CRYZL1: variants seen among roughly 807,000 people sequenced by gnomAD.
CRYZL1 encodes the protein ferry endosomal RAB5 effector complex subunit 4.
A neutral mutation model predicts 50.6 loss-of-function variants in CRYZL1; 34 were observed. The ratio of observed to expected loss-of-function variants is 0.67; its 90% confidence interval spans 0.51 to 0.89. The LOEUF (loss-of-function observed/expected upper bound fraction) is 0.89, where lower values mean the gene tolerates loss of function less well. Among genes scored for constraint, CRYZL1 ranks in the 40% least tolerant of loss-of-function variants. CRYZL1 has a pLI of 0.00. For missense variants in CRYZL1, 354 were observed against 402.3 expected (o/e 0.88, Z 1.03); for synonymous variants, 125 against 134.3 (o/e 0.93, Z 0.48).
At chr21:33,610,725 TTG>T (rs2086862709) in intron 6 of CRYZL1, among the ~76,000 whole-genome samples, 1 of 141,712 alleles carries the variant, frequency 7.1e-6, no homozygotes, top group African/African-American at 2.6e-5. Context: ...CCTTGTTTGG[TTG>T]TTTTTTTTTT....
At chr21:33,613,668 C>A (rs2145937693) in intron 5 of CRYZL1, 62 bp from the exon 6 acceptor site, 1 of 1,135,590 alleles carries the variant, frequency 8.8e-7, no homozygotes, top group Admixed American at 1.8e-5. Context: ...AATGAGAGGC[C>A]AGTATTATTA....
intron 2 of CRYZL1, among the ~76,000 whole-genome samples, chr21:33,624,978 T>C (rs904376346): frequency 2.0e-5 from 3 of 152,156 alleles, no homozygotes; most frequent in Non-Finnish European, 2.9e-5. Flanking sequence ...TGGATACATA[T>C]TTTTAAAAGT....
intron 3 of CRYZL1, 93 bp downstream of exon 3, chr21:33,624,590 T>C: frequency 2.0e-6 from 3 of 1,533,944 alleles, no homozygotes; most frequent in Non-Finnish European, 2.6e-6. Flanking sequence ...TAATAAATTC[T>C]TCACATTGAG....
rs892406908 is a variant in CRYZL1 at position 33,590,048 on chromosome 21, G to A, written c.951-127C>T. 13 of 584,376 alleles carry A rather than the reference G, an allele frequency of 2.2e-5. No homozygotes were observed. In the Admixed American group the frequency reaches 3.1e-4, roughly 14 times the overall value. 36.2% of individuals were successfully genotyped at this position (584,376 alleles called of 1,614,324 possible). ...TAATTAATTTTTTGAGACAGAGTCT[G>A]GCTCTCTCATCCAGGCTGGAGTGCA... On this transcript the variant is annotated intron_variant, in intron 12 of 12. Coordinates refer to ENST00000381554, the MANE Select transcript of CRYZL1 (RefSeq NM_145858.3).
chr21:33,599,262 G>C lies in CRYZL1; in HGVS notation c.578-14C>G. ...CAATCACTCGGGCTGTAAAGGACAG[G>C]AAATCAGGCAATTGTACTGTTCTCT... On this transcript the variant is annotated splice_polypyrimidine_tract_variant and intron_variant, in intron 8 of 12. Coordinates refer to ENST00000381554, the MANE Select transcript of CRYZL1 (RefSeq NM_145858.3). 2 of 1,613,792 alleles carry C rather than the reference G, an allele frequency of 1.2e-6. No individual in the cohort carries two copies. Among genetic ancestry groups the C allele is most frequent in the Non-Finnish European group, 1.7e-6 (2 of 1,179,818 alleles).
At position 33,610,207 on chromosome 21, in the gene CRYZL1, C is replaced by T. The variant is rs145455577; in HGVS notation, c.331+3331G>A. 3.3e-5 allele frequency among the ~76,000 whole-genome samples: 5 copies of T among 151,816 alleles called. No homozygotes were observed. The East Asian group carries it at 7.8e-4, about 24-fold the overall frequency. Reference sequence around the variant, plus strand: ...TTGAGACAGAGTCTTGCTCTGTTGCCCAGGCTGGAGTACAGTGGCACAATT... The same window carrying T: ...TTGAGACAGAGTCTTGCTCTGTTGCTCAGGCTGGAGTACAGTGGCACAATT... On this transcript the variant is annotated intron_variant, in intron 6 of 12. Coordinates refer to ENST00000381554, the MANE Select transcript of CRYZL1 (RefSeq NM_145858.3).
chr21:33,630,188 C>T (rs190916973), intron 2 of CRYZL1, among the ~76,000 whole-genome samples: 143 of 152,166 alleles, frequency 9.4e-4, no homozygotes, highest in Middle Eastern at 3.4e-3. Context: ...TAACAAATGC[C>T]GGTAAGGATG....
At chr21:33,637,784 TATATAC>T (rs1568802068) in intron 1 of CRYZL1, among the ~76,000 whole-genome samples, 1 of 145,638 alleles carries the variant, frequency 6.9e-6, no homozygotes, top group African/African-American at 2.5e-5. Flanking sequence ...TATATATATA[TATATAC>T]ACACACACAC....
At chr21:33,620,438 A>G (rs1408736635) in intron 4 of CRYZL1, among the ~76,000 whole-genome samples, 1 of 152,170 alleles carries the variant, frequency 6.6e-6, no homozygotes, top group Non-Finnish European at 1.5e-5. Context: ...ATTTAAATAT[A>G]TAACCCCTAA....
chr21:33,624,224 A>G (rs1212364690), intron 3 of CRYZL1, among the ~76,000 whole-genome samples: 2 of 152,162 alleles, frequency 1.3e-5, no homozygotes, highest in Non-Finnish European at 2.9e-5. Flanking sequence ...ACAAAAGCAC[A>G]CTAAATTTTT....
chr21:33,595,802 T>C lies in CRYZL1; in HGVS notation c.833A>G (p.Lys278Arg). ...DPPDSHCLFL[K>R]GATLAFLNDE... ...ATTCAGGAAAGCTAACGTTGCTCCCTTGAGGAAAAGGCAGTGGCTATCTGG... is the reference window on the plus strand; with the variant it reads ...ATTCAGGAAAGCTAACGTTGCTCCCCTGAGGAAAAGGCAGTGGCTATCTGG... Residue 278 changes from lysine (K) to arginine (R), a missense_variant, in exon 11 of 13, where the codon AAG becomes AGG. Transcript: ENST00000381554. 6.2e-7 allele frequency: 1 copy of C among 1,614,064 alleles called. No homozygotes were observed. Among genetic ancestry groups the C allele is most frequent in the South Asian group, 1.1e-5 (1 of 91,080 alleles).
In CRYZL1 at chr21:33,641,654, A is replaced by T. The variant is rs145339484; in HGVS notation, c.-7+27T>A. ...TTCGCTTAAAGGCCCGTTTCCCAAG[A>T]CACAGGACGCGTTTCCCGGGGCTCA... On this transcript the variant is annotated intron_variant, in intron 1 of 12. Coordinates refer to ENST00000381554, the MANE Select transcript of CRYZL1 (RefSeq NM_145858.3). The T allele has an allele frequency of 1.8e-3, 318 of 172,824 alleles. 1 individual carries two copies. Among genetic ancestry groups the T allele is most frequent in the Non-Finnish European group, 2.9e-3 (236 of 80,054 alleles). 10.7% of individuals were successfully genotyped at this position (172,824 alleles called of 1,614,324 possible). A position where few individuals can be genotyped will look rare whatever the true frequency, so the allele number is the denominator to read the frequency against.
At chr21:33,598,478 G>A (rs2086717907) in intron 9 of CRYZL1, among the ~76,000 whole-genome samples, 1 of 152,184 alleles carries the variant, frequency 6.6e-6, no homozygotes, top group South Asian at 2.1e-4. Context: ...CAGAGTAAGT[G>A]TTAAATAAAT....
At chr21:33,638,022 T>A (rs1248550536) in intron 1 of CRYZL1, among the ~76,000 whole-genome samples, 1 of 152,004 alleles carries the variant, frequency 6.6e-6, no homozygotes, top group African/African-American at 2.4e-5. Flanking sequence ...GAATTAATGT[T>A]AAATTTTAAC....
At chr21:33,636,985 A>G (rs921833618) in intron 1 of CRYZL1, among the ~76,000 whole-genome samples, 5 of 151,984 alleles carry the variant, frequency 3.3e-5, no homozygotes, top group Non-Finnish European at 7.4e-5. Context: ...TTTTTGTATA[A>G]AACTCATCTA....
At chr21:33,625,782 C>A (rs1040498764) in intron 2 of CRYZL1, among the ~76,000 whole-genome samples, 1 of 151,962 alleles carries the variant, frequency 6.6e-6, no homozygotes, top group Non-Finnish European at 1.5e-5. Context: ...TAGTGCCCAG[C>A]CCTTAAATTT....
intron 11 of CRYZL1, chr21:33,595,387 G>A: frequency 7.6e-7 from 1 of 1,318,378 alleles, no homozygotes. Flanking sequence ...TCCTTAATGT[G>A]AGGTTAAAAA....
At chr21:33,622,248 AG>A (rs1257779481) in intron 3 of CRYZL1, among the ~76,000 whole-genome samples, 180 bp from the exon 4 acceptor site, 2 of 152,250 alleles carry the variant, frequency 1.3e-5, no homozygotes, top group East Asian at 3.8e-4. Flanking sequence ...TAGGAAACCA[AG>A]AATTTACTGA....
intron 3 of CRYZL1, among the ~76,000 whole-genome samples, chr21:33,622,521 A>G (rs1204176092): frequency 6.6e-6 from 1 of 152,128 alleles, no homozygotes; most frequent in East Asian, 1.9e-4. Flanking sequence ...GAGTTCTCAA[A>G]AGCCTTGGGT....
Sources: allele counts gnomAD v4.1 joint callset (sites outside exome capture counted in the v4.1 genomes callset), GRCh38; gene constraint gnomAD v4.1.1; transcripts MANE v1.5; gene names NCBI Gene and HGNC (gene_info 2026-07-23, HGNC 2026-07-21).